The following ASXL3 variants were observed in gnomAD, a reference collection of about 807,000 sequenced individuals.
ASXL3 encodes putative Polycomb group protein ASXL3.
Under a neutral mutation model 170.6 loss-of-function variants are expected in ASXL3, and 34 were observed. The observed-to-expected ratio is 0.20, with a 90% CI of 0.15 to 0.27. The LOEUF is 0.27. ASXL3 is among the 10% of genes least tolerant of loss of function. ASXL3 has a pLI of 1.00. For synonymous variants in ASXL3, 1,002 were observed against 989.1 expected (o/e 1.01, Z -0.24); for missense variants, 2,592 against 2,695.3 (o/e 0.96, Z 0.85).
chr18:33,590,114 T>TTTTTTTTTG (rs1320650615), intron 1 of ASXL3, among the ~76,000 whole-genome samples: 2 of 145,886 alleles, frequency 1.4e-5, no homozygotes, highest in Non-Finnish European at 3.0e-5. Context: ...TTTCTATGTT[T>TTTTTTTTTG]TTTTTTTTTT....
intron 2 of ASXL3, among the ~76,000 whole-genome samples, chr18:33,616,467 A>G (rs901376904): frequency 1.3e-5 from 2 of 151,802 alleles, no homozygotes; most frequent in Admixed American, 1.3e-4. Context: ...TCTGGTAGTT[A>G]TCACATTGTT....
chr18:33,623,651 A>G (rs1179821211), intron 2 of ASXL3, among the ~76,000 whole-genome samples: 2 of 152,184 alleles, frequency 1.3e-5, no homozygotes, highest in African/African-American at 2.4e-5. Flanking sequence ...GCATTCTAAG[A>G]TATTTTACAG....
At chr18:33,710,642 A>G (rs953106650) in intron 8 of ASXL3, among the ~76,000 whole-genome samples, 2 of 151,936 alleles carry the variant, frequency 1.3e-5, no homozygotes, top group Non-Finnish European at 2.9e-5. Flanking sequence ...ACCAATATCA[A>G]TTTTTTCTTG....
chr18:33,654,135 T>C (rs565701109), intron 4 of ASXL3, among the ~76,000 whole-genome samples: 98 of 152,180 alleles, frequency 6.4e-4, no homozygotes, highest in Non-Finnish European at 9.1e-4. Context: ...AAGCATACTT[T>C]CATCTCTCTT....
At chr18:33,737,049 GATT>G (rs1568357864) in intron 10 of ASXL3, among the ~76,000 whole-genome samples, 1 of 151,998 alleles carries the variant, frequency 6.6e-6, no homozygotes. Context: ...ATTTCTTGCA[GATT>G]ATTCTGCTTT....
chr18:33,742,419 A>G (rs2067679416), intron 11 of ASXL3, among the ~76,000 whole-genome samples: 1 of 152,226 alleles, frequency 6.6e-6, no homozygotes, highest in Non-Finnish European at 1.5e-5. Flanking sequence ...TGTAAAGTCA[A>G]AATGAGAATT....
chr18:33,601,020 G>A (rs2065178223), intron 1 of ASXL3, among the ~76,000 whole-genome samples: 2 of 152,130 alleles, frequency 1.3e-5, no homozygotes, highest in South Asian at 4.1e-4. Flanking sequence ...CATCTGAACA[G>A]TATCTAAAAG....
At position 33,743,783 on chromosome 18, in the gene ASXL3, C is replaced by G; in HGVS notation, c.3935C>G (p.Ser1312Cys). The change falls in exon 12 of 12, where the codon TCC becomes TGC. Residue 1312 changes from serine (S) to cysteine (C), a missense_variant. Ser to Cys is a moderately radical substitution (Grantham distance 112). Transcript: ENST00000269197. ...STPISATTEG[S>C]SISSSMDDKQ... ...CCCATTTCAGCCACTACAGAGGGCT[C>G]CAGCATATCAAGCTCCATGGATGAT... 1.2e-6 allele frequency: 2 copies of G among 1,613,952 alleles called. No homozygotes were observed. The highest frequency in any genetic ancestry group is 1.7e-6 in the Non-Finnish European group (2 of 1,179,900).
chr18:33,738,773 G>C lies in ASXL3; in HGVS notation c.1369G>C (p.Glu457Gln), dbSNP rs772484213. 2.5e-6 allele frequency: 4 copies of C among 1,613,878 alleles called. No individual in the cohort carries two copies. The South Asian group carries it at 4.4e-5, about 18-fold the overall frequency. The change falls in exon 11 of 12, where the codon GAG becomes CAG. Residue 457 changes from glutamate (E) to glutamine (Q), a missense_variant. Transcript: ENST00000269197. ...TGTAATTCAGGAGGAAATTGCAGAA[G>C]AGGTAGAGACTAGTATCTGTGAATG... The part of the protein sequence containing the change: ...ESVIQEEIAE[E>Q]VETSICECQD...
chr18:33,686,267 C>T (rs762424494), intron 8 of ASXL3, among the ~76,000 whole-genome samples: 7 of 152,122 alleles, frequency 4.6e-5, no homozygotes, highest in Non-Finnish European at 1.0e-4. Flanking sequence ...AAGAATGAAT[C>T]TTGTGGAAGA....
chr18:33,650,852 A>G (rs558594350), intron 4 of ASXL3, among the ~76,000 whole-genome samples: 57 of 152,244 alleles, frequency 3.7e-4, no homozygotes, highest in Admixed American at 5.9e-4. Context: ...ATTGCAAACC[A>G]CAATTGCATC....
chr18:33,655,705 A>G (rs1240865243), intron 4 of ASXL3, among the ~76,000 whole-genome samples: 2 of 152,050 alleles, frequency 1.3e-5, no homozygotes, highest in Non-Finnish European at 2.9e-5. Context: ...CTTTTTAACA[A>G]TTTGTAGCAT....
intron 7 of ASXL3, among the ~76,000 whole-genome samples, chr18:33,678,235 T>A (rs1539830): frequency 0.56 from 85,009 of 151,868 alleles, 24,392 homozygotes; most frequent in East Asian, 0.9. Context: ...GCAGAGCTGT[T>A]TTTCAGAATC....
At chr18:33,684,497 AAC>A (rs2145287962) in intron 8 of ASXL3, among the ~76,000 whole-genome samples, 3 of 152,314 alleles carry the variant, frequency 2.0e-5, no homozygotes, top group African/African-American at 7.2e-5. Flanking sequence ...TATGATAAGC[AAC>A]AGTTTGCTAC....
chr18:33,612,277 A>G (rs934487444), intron 2 of ASXL3, among the ~76,000 whole-genome samples: 6 of 152,166 alleles, frequency 3.9e-5, no homozygotes, highest in African/African-American at 7.2e-5. Context: ...CATTTTAACA[A>G]TATTAGAGAT....
intron 8 of ASXL3, among the ~76,000 whole-genome samples, chr18:33,711,518 G>C (rs1361203813): frequency 1.3e-5 from 2 of 152,112 alleles, no homozygotes; most frequent in African/African-American, 2.4e-5. Context: ...TTGTTAACTT[G>C]TCAGTGTATG....
At chr18:33,590,462 A>T (rs991552082) in intron 1 of ASXL3, among the ~76,000 whole-genome samples, 18 of 152,160 alleles carry the variant, frequency 1.2e-4, no homozygotes, top group African/African-American at 4.3e-4. Context: ...TAAAAGGCAG[A>T]TGGAAAGTAT....
intron 2 of ASXL3, among the ~76,000 whole-genome samples, chr18:33,609,690 A>G (rs1049275720): frequency 6.6e-6 from 1 of 151,956 alleles, no homozygotes; most frequent in Non-Finnish European, 1.5e-5. Flanking sequence ...TTCACCCACT[A>G]CATCACTATT....
At chr18:33,624,207 A>G (rs2065562918) in intron 2 of ASXL3, among the ~76,000 whole-genome samples, 1 of 152,060 alleles carries the variant, frequency 6.6e-6, no homozygotes, top group Non-Finnish European at 1.5e-5. Context: ...AATATCAGGG[A>G]TTGGGATTTT....
Sources: allele counts gnomAD v4.1 joint callset (sites outside exome capture counted in the v4.1 genomes callset), GRCh38; gene constraint gnomAD v4.1.1; transcripts MANE v1.5; gene names NCBI Gene and HGNC (gene_info 2026-07-23, HGNC 2026-07-21).